The following KCNAB1 variants were observed in gnomAD, a reference collection of about 807,000 sequenced individuals.
KCNAB1 encodes the protein voltage-gated potassium channel subunit beta-1.
Under a neutral mutation model 64.6 loss-of-function variants are expected in KCNAB1, and 35 were observed. That is an observed-to-expected ratio of 0.54 (90% CI 0.41 to 0.72). KCNAB1 has a LOEUF of 0.72. Ranked by LOEUF, KCNAB1 falls within the 30% of genes least tolerant of loss-of-function variation. The pLI is 0.00. For missense variants in KCNAB1, 401 were observed against 512.9 expected, an observed-to-expected ratio of 0.78 and a Z score of 2.11; for synonymous variants, 177 against 183.8, an observed-to-expected ratio of 0.96 and a Z score of 0.30.
At chr3:156,283,796 A>T (rs1719899649) in intron 1 of KCNAB1, among the ~76,000 whole-genome samples, 1 of 151,690 alleles carries the variant, frequency 6.6e-6, no homozygotes, top group African/African-American at 2.4e-5. Context: ...GTAGTTCTGG[A>T]GCCTTGGTTT....
rs1223244517 is a variant in KCNAB1, at chr3:156,508,345, T to C, written c.659-6019T>C. 6.6e-6 allele frequency among the ~76,000 whole-genome samples: 1 copy of C among 152,238 alleles called. No individual in the cohort carries two copies. Among genetic ancestry groups the C allele is most frequent in the Non-Finnish European group, 1.5e-5 (1 of 68,038 alleles). On this transcript the variant is annotated intron_variant, in intron 8 of 13. Coordinates refer to ENST00000490337, the MANE Select transcript of KCNAB1 (RefSeq NM_172160.3). The surrounding 1 kb of genome is among the most constrained non-coding windows in gnomAD (Gnocchi z 4.1). ...TTTTTATCTTTACCCCTATGGCTTA[T>C]TGTTCATGCAGTACAACTATTTGCT...
chr3:156,488,556 C>A (rs543622959), intron 8 of KCNAB1, among the ~76,000 whole-genome samples: 1 of 151,996 alleles, frequency 6.6e-6, no homozygotes, highest in Non-Finnish European at 1.5e-5. Flanking sequence ...TAGAAGGAGA[C>A]GAGTTTAGAG....
intron 1 of KCNAB1, among the ~76,000 whole-genome samples, chr3:156,321,132 T>C (rs931622855): frequency 6.6e-6 from 1 of 152,138 alleles, no homozygotes; most frequent in African/African-American, 2.4e-5. Flanking sequence ...GACCCCTGTC[T>C]GTAGTGCACA....
Position 156,182,891 on chromosome 3 carries a change from G to T in KCNAB1, c.275+62005G>T, listed in dbSNP as rs190912273. On this transcript the variant is annotated intron_variant, in intron 1 of 13. Coordinates refer to ENST00000490337, the MANE Select transcript of KCNAB1 (RefSeq NM_172160.3). ...TATTTTGTATTTTTATTAGAGACCG[G>T]GTTTCACCATGTTGGCCAGGCTGGT... is the stretch of plus-strand genomic sequence containing the variant. Among the ~76,000 whole-genome samples the T allele has an allele frequency of 7.4e-4, 112 of 151,678 alleles. No individual in the cohort carries two copies. In the Middle Eastern group the frequency reaches 0.01, roughly 14 times the overall value.
At chr3:156,176,502 A>G (rs1287028626) in intron 1 of KCNAB1, 4 of 794,990 alleles carry the variant, frequency 5.0e-6, no homozygotes. Flanking sequence ...TCACTATCCC[A>G]CACAGCCACA....
At chr3:156,477,126 A>G (rs1187353058) in intron 8 of KCNAB1, among the ~76,000 whole-genome samples, 1 of 152,218 alleles carries the variant, frequency 6.6e-6, no homozygotes, top group Non-Finnish European at 1.5e-5. Flanking sequence ...CAACAAGATA[A>G]TGATGTCTCT....
At chr3:156,367,229 G>A (rs1392481992) in intron 1 of KCNAB1, among the ~76,000 whole-genome samples, 1 of 145,456 alleles carries the variant, frequency 6.9e-6, no homozygotes, top group South Asian at 2.2e-4. Context: ...AGGCTAGAGT[G>A]CAGTGTTGCA....
chr3:156,145,562 T>C lies in KCNAB1; in HGVS notation c.275+24676T>C, dbSNP rs114884517. On this transcript the variant is annotated intron_variant, in intron 1 of 13. Transcript: ENST00000490337. ...TATTCTTACTTCTTTATTATGATTT[T>C]TCCCCCTCAGGAAAAAGAGGGTGGG... Among the ~76,000 whole-genome samples the C allele has an allele frequency of 8.1e-3, 1,236 of 152,262 alleles. 22 individuals are homozygous for C. The highest frequency in any genetic ancestry group is 0.029 in the African/African-American group (1,190 of 41,550).
intron 1 of KCNAB1, among the ~76,000 whole-genome samples, chr3:156,382,646 C>G (rs1027851506): frequency 3.9e-5 from 6 of 152,188 alleles, no homozygotes; most frequent in Non-Finnish European, 8.8e-5. Context: ...TTGTGGCCCC[C>G]TTGTGGTGAG....
intron 1 of KCNAB1, among the ~76,000 whole-genome samples, chr3:156,231,548 C>CTCCTTCCT (rs1189073907): frequency 7.4e-6 from 1 of 135,894 alleles, no homozygotes; most frequent in Non-Finnish European, 1.6e-5. Context: ...CCCTTCTTCC[C>CTCCTTCCT]TCCTTCCTTC....
rs192531175 is a variant in KCNAB1 at position 156,154,580 on chromosome 3, T to C, written c.275+33694T>C. Reference sequence around the variant, plus strand: ...GATGAGTGTGGGTTCTGGTTAGACTTCTTGTTCTTGGTATAGATCAGACTT... The same window carrying C: ...GATGAGTGTGGGTTCTGGTTAGACTCCTTGTTCTTGGTATAGATCAGACTT... On this transcript the variant is annotated intron_variant, in intron 1 of 13. Transcript: ENST00000490337. Among the ~76,000 whole-genome samples the C allele has an allele frequency of 1.3e-3, 203 of 152,248 alleles. No homozygotes were observed. In the South Asian group the frequency reaches 0.017, roughly 13 times the overall value.
intron 1 of KCNAB1, among the ~76,000 whole-genome samples, chr3:156,195,688 C>G (rs1413845105): frequency 6.6e-6 from 1 of 152,124 alleles, no homozygotes; most frequent in Non-Finnish European, 1.5e-5. Context: ...TGGATATTAG[C>G]CTTTTGTCAG....
intron 1 of KCNAB1, among the ~76,000 whole-genome samples, chr3:156,193,924 T>C (rs1313901722): frequency 1.3e-5 from 2 of 152,180 alleles, no homozygotes; most frequent in Non-Finnish European, 2.9e-5. Context: ...CGTAACTTCA[T>C]CATAAGTTGA....
In KCNAB1 at chr3:156,387,214, G is replaced by A. The variant is rs143688760; in HGVS notation, c.276-34402G>A. ...GCGGGGTGACTGCTGAAGCAGCCCC[G>A]GGCCAGAAAAAACAAAGAATGACCA... On this transcript the variant is annotated intron_variant, in intron 1 of 13. Coordinates refer to ENST00000490337, the MANE Select transcript of KCNAB1 (RefSeq NM_172160.3). Among the ~76,000 whole-genome samples the A allele has an allele frequency of 1.1e-3, 161 of 151,940 alleles. No homozygotes were observed. In the East Asian group the frequency reaches 0.023, roughly 22 times the overall value.
At chr3:156,470,484 T>C (rs1254002389) in intron 7 of KCNAB1, among the ~76,000 whole-genome samples, 1 of 152,198 alleles carries the variant, frequency 6.6e-6, no homozygotes, top group African/African-American at 2.4e-5. Context: ...AGTGAGACCC[T>C]TGTCTCTACA....
chr3:156,302,119 C>G (rs1161097602), intron 1 of KCNAB1, among the ~76,000 whole-genome samples: 2 of 152,188 alleles, frequency 1.3e-5, no homozygotes, highest in African/African-American at 4.8e-5. Flanking sequence ...CATTCCTTGA[C>G]TCTTTCCTCC....
At position 156,537,441 on chromosome 3, in the gene KCNAB1, T is replaced by C. The variant is rs1318671886; in HGVS notation, c.*694T>C. 1 of 161,772 alleles carries C rather than the reference T, an allele frequency of 6.2e-6. No homozygotes were observed. Among genetic ancestry groups the C allele is most frequent in the African/African-American group, 2.4e-5 (1 of 41,896 alleles). The allele number at this position is 161,772 out of a possible 1,614,324, so 10.0% of individuals were successfully genotyped here. ...TTGCTTGGCCCCAAGAATGGCCTTG[T>C]ACAACTTATCCAGAATGTCTATTAG... is the stretch of plus-strand genomic sequence containing the variant. On this transcript the variant is annotated 3_prime_UTR_variant, in exon 14 of 14. Coordinates refer to ENST00000490337, the MANE Select transcript of KCNAB1 (RefSeq NM_172160.3).
chr3:156,350,198 G>A (rs747618177), intron 1 of KCNAB1, among the ~76,000 whole-genome samples: 1 of 152,162 alleles, frequency 6.6e-6, no homozygotes, highest in Non-Finnish European at 1.5e-5. Context: ...GAGCACATGA[G>A]TACAGATGTT....
chr3:156,311,772 G>A (rs570202165), intron 1 of KCNAB1, among the ~76,000 whole-genome samples: 5 of 152,308 alleles, frequency 3.3e-5, no homozygotes, highest in Admixed American at 3.3e-4. Flanking sequence ...AACCTCTGGT[G>A]TGGGGCTAAG....
Sources: allele counts gnomAD v4.1 joint callset (sites outside exome capture counted in the v4.1 genomes callset), GRCh38; gene constraint gnomAD v4.1.1; non-coding constraint Gnocchi (gnomAD v3.1); transcripts MANE v1.5; gene names NCBI Gene and HGNC (gene_info 2026-07-23, HGNC 2026-07-21).